Variants in USP9X observed in about 807,000 individuals in gnomAD.
The protein encoded by USP9X is ubiquitin specific peptidase 9 X-linked, also known as ubiquitin carboxyl-terminal hydrolase 9X.
A neutral mutation model predicts 190.3 loss-of-function variants in USP9X; 7 were observed. That is an observed-to-expected ratio of 0.04 (90% CI 0.02 to 0.07). USP9X has a LOEUF of 0.07. Ranked by LOEUF, USP9X falls within the 10% of genes least tolerant of loss-of-function variation. The pLI, the probability that USP9X is intolerant of heterozygous loss-of-function variation, is 1.00. For synonymous variants in USP9X, 645 were observed against 659.5 expected (o/e 0.98, Z 0.34); for missense variants, 1,010 against 1,916.9 (o/e 0.53, Z 8.83).
chrX:41,095,481 T>C (rs1466298957), intron 1 of USP9X, among the ~76,000 whole-genome samples: 4 of 112,346 alleles, frequency 3.6e-5, no homozygotes, highest in Non-Finnish European at 3.8e-5. Flanking sequence ...ACCCCACTCA[T>C]ATGTCTTCAG....
chrX:41,169,979 T>G lies in USP9X; in HGVS notation c.2637-16T>G, dbSNP rs757707361. ...CTGCTGAATATGATGATGTCTGTCT[T>G]TCTTTTTCCCCCCAGAGCATTCCGC... On this transcript the variant is annotated splice_polypyrimidine_tract_variant and intron_variant, in intron 18 of 44. Coordinates refer to ENST00000378308, the MANE Select transcript of USP9X (RefSeq NM_001039591.3). 35 of 1,208,013 alleles carry G rather than the reference T, an allele frequency of 2.9e-5. No homozygotes were observed. Among genetic ancestry groups the G allele is most frequent in the African/African-American group, 1.0e-4 (6 of 57,204 alleles).
chrX:41,223,232 C>T lies in USP9X; in HGVS notation c.6581C>T (p.Thr2194Ile). The T allele has an allele frequency of 8.3e-7, 1 of 1,211,222 alleles. No homozygotes were observed. The highest frequency in any genetic ancestry group is 1.1e-6 in the Non-Finnish European group (1 of 895,306). The part of the protein sequence containing the change: ...MYANLGVAEK[T>I]QLLKLSVPAT... Reference sequence around the variant, plus strand: ...TTTGTTGTAGGTGTGGCAGAGAAGACACAGCTTCTGAAATTGAGTGTACCT... The same window carrying T: ...TTTGTTGTAGGTGTGGCAGAGAAGATACAGCTTCTGAAATTGAGTGTACCT... The change falls in exon 39 of 45, where the codon ACA becomes ATA. Residue 2194 changes from threonine to isoleucine, a missense_variant. Coordinates refer to ENST00000378308, the MANE Select transcript of USP9X (RefSeq NM_001039591.3).
intron 31 of USP9X, among the ~76,000 whole-genome samples, chrX:41,204,574 T>TAC (rs58665021): frequency 0.14 from 15,357 of 111,221 alleles, 976 homozygotes; most frequent in Admixed American, 0.21. Flanking sequence ...GGAAGAGTAC[T>TAC]AGTCATGCAC....
At chrX:41,187,899 C>A in intron 24 of USP9X, 93 bp from the exon 25 acceptor site, 2 of 879,790 alleles carry the variant, frequency 2.3e-6, no homozygotes. Context: ...CACAGTAATT[C>A]CTATTTCCTT....
At chrX:41,165,162 C>CT (rs767224691) in intron 15 of USP9X, among the ~76,000 whole-genome samples, 1 of 84,886 alleles carries the variant, frequency 1.2e-5, no homozygotes, top group Non-Finnish European at 2.5e-5. Context: ...GCTGCTAAGT[C>CT]TTTTTTCTGG....
rs1308311086 is a variant in USP9X, at chrX:41,201,243, A to G, written c.4787A>G (p.Asp1596Gly). 8.3e-7 allele frequency: 1 copy of G among 1,209,859 alleles called. No homozygotes were observed. Among genetic ancestry groups the G allele is most frequent in the African/African-American group, 1.7e-5 (1 of 57,319 alleles). ...LAIEGTGSDVDDDMSGDEKQD... is the reference protein window; with the variant it reads ...LAIEGTGSDVGDDMSGDEKQD... ...ATTGAAGGCACAGGTAGTGATGTAG[A>G]TGATGATATGTCTGGGGATGAGAAG... Residue 1596 changes from aspartate to glycine, a missense_variant, in exon 31 of 45, where the codon GAT (aspartate) becomes GGT (glycine). Physicochemically the swap from Asp to Gly is moderately conservative, Grantham distance 94. Coordinates refer to ENST00000378308, the MANE Select transcript of USP9X (RefSeq NM_001039591.3).
intron 26 of USP9X, among the ~76,000 whole-genome samples, chrX:41,191,531 A>T (rs890495974): frequency 9.0e-6 from 1 of 111,425 alleles, no homozygotes; most frequent in Non-Finnish European, 1.9e-5. Context: ...ATGGAGAGGC[A>T]CAAGGACTGT....
At chrX:41,166,639 C>T (rs1321133703) in intron 16 of USP9X, among the ~76,000 whole-genome samples, 1 of 111,558 alleles carries the variant, frequency 9.0e-6, no homozygotes, top group Non-Finnish European at 1.9e-5. Context: ...CACTGTTTAC[C>T]TTGTGATATT....
chrX:41,201,703 G>C (rs1403370453), intron 31 of USP9X, among the ~76,000 whole-genome samples: 1 of 112,850 alleles, frequency 8.9e-6, no homozygotes, highest in Non-Finnish European at 1.9e-5. Flanking sequence ...GGGCATGGTA[G>C]CTCACACCTA....
At chrX:41,087,762 G>A (rs924015975) in intron 1 of USP9X, among the ~76,000 whole-genome samples, 13 of 111,784 alleles carry the variant, frequency 1.2e-4, no homozygotes, top group African/African-American at 3.9e-4. Context: ...CCCTTTTCTT[G>A]TATTTTTTTG....
rs2063010448 is a variant in USP9X at position 41,198,536 on chromosome X, T to A, written c.4389T>A (p.Ile1463=). ...CTTTTTCAACTTTTTAGGAATTAATTGATGATTTCATATTTCCTGCATCCA... is the reference window on the plus strand; with the variant it reads ...CTTTTTCAACTTTTTAGGAATTAATAGATGATTTCATATTTCCTGCATCCA... The part of the protein sequence containing the change: ...KGGANLIKEL[I]DDFIFPASNV... Residue 1463 remains isoleucine, a synonymous_variant, in exon 30 of 45, where the codon ATT becomes ATA. Coordinates refer to ENST00000378308, the MANE Select transcript of USP9X (RefSeq NM_001039591.3). 1 of 1,199,464 alleles carries A rather than the reference T, an allele frequency of 8.3e-7. No homozygotes were observed. Among genetic ancestry groups the A allele is most frequent in the Non-Finnish European group, 1.1e-6 (1 of 888,334 alleles).
intron 15 of USP9X, 23 bp from the exon 16 acceptor site, chrX:41,165,849 C>A (rs778521588): frequency 1.7e-6 from 2 of 1,186,162 alleles, no homozygotes; most frequent in Non-Finnish European, 2.3e-6. Context: ...AATCTAATTG[C>A]CAATTTTCAA....
At chrX:41,109,364 A>G (rs1052477161) in intron 1 of USP9X, among the ~76,000 whole-genome samples, 5 of 112,274 alleles carry the variant, frequency 4.5e-5, no homozygotes, top group Non-Finnish European at 7.5e-5. Flanking sequence ...TTTGGAAAAG[A>G]TGCTGAAGTT....
At chrX:41,127,314 T>C (rs186729812) in intron 2 of USP9X, among the ~76,000 whole-genome samples, 6 of 111,882 alleles carry the variant, frequency 5.4e-5, no homozygotes, top group Admixed American at 3.8e-4. Context: ...TACCTAGATA[T>C]ATTGAATGGA....
At chrX:41,172,324 C>T (rs2062734020) in intron 21 of USP9X, among the ~76,000 whole-genome samples, 1 of 112,051 alleles carries the variant, frequency 8.9e-6, no homozygotes, top group South Asian at 3.7e-4. Flanking sequence ...GTTCACAAGC[C>T]TAAACTGCTT....
chrX:41,119,777 C>A (rs2062176206), intron 1 of USP9X, among the ~76,000 whole-genome samples: 1 of 112,478 alleles, frequency 8.9e-6, no homozygotes, highest in South Asian at 3.6e-4. Context: ...TTGCGGTGAG[C>A]CAAGATTGCG....
intron 4 of USP9X, among the ~76,000 whole-genome samples, chrX:41,132,750 A>ATT (rs113614365): frequency 1.0e-5 from 1 of 100,476 alleles, no homozygotes; most frequent in Non-Finnish European, 2.0e-5. Flanking sequence ...TACCCAGCCT[A>ATT]TTTTTTTTTT....
At chrX:41,210,433 T>C (rs1371152026) in intron 32 of USP9X, 76 bp from the exon 33 acceptor site, 24 of 1,071,347 alleles carry the variant, frequency 2.2e-5, no homozygotes, top group East Asian at 2.1e-4. Flanking sequence ...TGCTTTTTTT[T>C]CCCCTGAAAA....
At chrX:41,091,210 T>TTA (rs1417977538) in intron 1 of USP9X, among the ~76,000 whole-genome samples, 3 of 52,421 alleles carry the variant, frequency 5.7e-5, no homozygotes, top group African/African-American at 2.1e-4. Context: ...ATTTTTTTTG[T>TTA]CACTAAATAG....
Sources: allele counts gnomAD v4.1 joint callset (sites outside exome capture counted in the v4.1 genomes callset), GRCh38; gene constraint gnomAD v4.1.1; transcripts MANE v1.5; gene names NCBI Gene and HGNC (gene_info 2026-07-23, HGNC 2026-07-21).